The following ERC1 variants were observed in gnomAD, a reference collection of about 807,000 sequenced individuals.
The protein encoded by ERC1 is ELKS/RAB6-interacting/CAST family member 1, also known as RAB6 interacting protein 2.
Under a neutral mutation model 132.0 loss-of-function variants are expected in ERC1, and 56 were observed. The ratio of observed to expected loss-of-function variants is 0.42; its 90% confidence interval spans 0.34 to 0.53. The LOEUF (loss-of-function observed/expected upper bound fraction) is 0.53, where lower values mean the gene tolerates loss of function less well. Ranked by LOEUF, ERC1 falls within the 20% of genes least tolerant of loss-of-function variation. The pLI is 0.03. For missense variants in ERC1, 1,202 were observed against 1,349.9 expected, an observed-to-expected ratio of 0.89 and a Z score of 1.72; for synonymous variants, 478 against 476.1, an observed-to-expected ratio of 1.00 and a Z score of -0.05.
chr12:1,134,351 T>G (rs1258613357), intron 7 of ERC1, among the ~76,000 whole-genome samples: 5 of 151,954 alleles, frequency 3.3e-5, no homozygotes, highest in Non-Finnish European at 5.9e-5. Flanking sequence ...TCTAATTTTT[T>G]TTTTTTTTTT....
chr12:1,357,574 T>G (rs1207007094), intron 15 of ERC1, among the ~76,000 whole-genome samples: 1 of 152,142 alleles, frequency 6.6e-6, no homozygotes, highest in Non-Finnish European at 1.5e-5. Context: ...GAAGACAAGA[T>G]AAATGGTGTA....
chr12:1,282,744 C>T (rs781576982), intron 14 of ERC1, among the ~76,000 whole-genome samples: 148 of 152,134 alleles, frequency 9.7e-4, no homozygotes, highest in Non-Finnish European at 1.6e-3. Context: ...AGCTTGTTAC[C>T]TTTTTTTCTT....
intron 12 of ERC1, among the ~76,000 whole-genome samples, chr12:1,193,188 A>G (rs1955899802): frequency 6.6e-6 from 1 of 152,212 alleles, no homozygotes; most frequent in East Asian, 1.9e-4. Flanking sequence ...AGAAATAAAT[A>G]AATAGGTCCT....
chr12:1,109,336 A>G (rs977132628), intron 4 of ERC1, among the ~76,000 whole-genome samples: 1 of 152,236 alleles, frequency 6.6e-6, no homozygotes, highest in African/African-American at 2.4e-5. Context: ...AGGATTGCTA[A>G]CATGATAAAT....
chr12:1,411,048 A>G (rs1192743693), intron 17 of ERC1, among the ~76,000 whole-genome samples: 1 of 152,104 alleles, frequency 6.6e-6, no homozygotes, highest in Non-Finnish European at 1.5e-5. Flanking sequence ...AATATTGAGG[A>G]GCAAAGTAAA....
rs1565544127 is a variant in ERC1, at chr12:1,489,953, TAC to T, written c.3214-137_3214-136del. ...TGAAGACGCATTTGATATTTGCTTT[TAC>T]ACTTTTCTTATGGTTAATTTTGATG... On this transcript the variant is annotated intron_variant, in intron 18 of 18. Transcript: ENST00000360905. 1.3e-5 allele frequency: 13 copies of T among 982,740 alleles called. No individual in the cohort carries two copies. In the South Asian group the frequency reaches 2.1e-4, roughly 16 times the overall value. The allele number at this position is 982,740 out of a possible 1,614,324, so 60.9% of individuals were successfully genotyped here.
intron 8 of ERC1, among the ~76,000 whole-genome samples, chr12:1,177,387 A>G (rs2154268787): frequency 6.6e-6 from 1 of 152,264 alleles, no homozygotes; most frequent in East Asian, 1.9e-4. Flanking sequence ...GTAGCATTTG[A>G]CTTAATCATT....
At chr12:1,482,773 T>C (rs537985453) in intron 18 of ERC1, among the ~76,000 whole-genome samples, 1 of 152,302 alleles carries the variant, frequency 6.6e-6, no homozygotes, top group East Asian at 1.9e-4. Context: ...TACTGAGATA[T>C]AATTTACATA....
At chr12:1,274,012 C>A (rs913006490) in intron 14 of ERC1, among the ~76,000 whole-genome samples, 5 of 152,168 alleles carry the variant, frequency 3.3e-5, no homozygotes, top group Admixed American at 3.3e-4. Flanking sequence ...AGATCACTTT[C>A]AAGGGATATT....
At chr12:1,466,022 A>T (rs2093735623) in intron 18 of ERC1, among the ~76,000 whole-genome samples, 1 of 152,134 alleles carries the variant, frequency 6.6e-6, no homozygotes, top group Non-Finnish European at 1.5e-5. Context: ...GGCGCCTTCC[A>T]GTGTATAAAC....
chr12:1,449,990 ATATAG>A (rs1259210772), intron 18 of ERC1, among the ~76,000 whole-genome samples: 1 of 152,108 alleles, frequency 6.6e-6, no homozygotes. Flanking sequence ...AATTTTGAAA[ATATAG>A]TATACCACTT....
chr12:1,287,767 C>T (rs973844370), intron 14 of ERC1, among the ~76,000 whole-genome samples: 1 of 152,202 alleles, frequency 6.6e-6, no homozygotes, highest in Non-Finnish European at 1.5e-5. Context: ...ACTGGCTTTC[C>T]TGGGTCTCCA....
At chr12:1,151,299 T>C (rs1335607169) in intron 8 of ERC1, among the ~76,000 whole-genome samples, 1 of 152,234 alleles carries the variant, frequency 6.6e-6, no homozygotes. Flanking sequence ...TAAGGTTGTA[T>C]GAATTTATTG....
intron 15 of ERC1, among the ~76,000 whole-genome samples, chr12:1,357,766 CTT>C (rs2154369332): frequency 6.6e-6 from 1 of 152,272 alleles, no homozygotes; most frequent in Admixed American, 6.5e-5. Context: ...CAATATAAAT[CTT>C]TTTATCAGAC....
intron 8 of ERC1, among the ~76,000 whole-genome samples, chr12:1,150,772 T>C (rs932560783): frequency 5.9e-5 from 9 of 152,154 alleles, no homozygotes; most frequent in Non-Finnish European, 1.0e-4. Flanking sequence ...ACTAGTAGTA[T>C]TCAAAACTGC....
intron 2 of ERC1, among the ~76,000 whole-genome samples, chr12:1,057,162 A>G (rs542520336): frequency 6.6e-6 from 1 of 152,086 alleles, no homozygotes; most frequent in East Asian, 1.9e-4. Context: ...TTTTTTTGAG[A>G]CAGTCTCTCA....
At chr12:1,426,166 C>T (rs1265474396) in intron 17 of ERC1, among the ~76,000 whole-genome samples, 2 of 147,754 alleles carry the variant, frequency 1.4e-5, no homozygotes, top group Non-Finnish European at 3.0e-5. Context: ...TGCAATGGTG[C>T]GATCTCTGCT....
At chr12:1,435,344 G>T (rs1242616084) in intron 17 of ERC1, among the ~76,000 whole-genome samples, 1 of 152,110 alleles carries the variant, frequency 6.6e-6, no homozygotes, top group Admixed American at 6.5e-5. Flanking sequence ...GGAGAAGAAA[G>T]GAAGAGAATA....
chr12:1,399,828 T>C (rs2090866593), intron 16 of ERC1, among the ~76,000 whole-genome samples: 1 of 152,238 alleles, frequency 6.6e-6, no homozygotes, highest in South Asian at 2.1e-4. Context: ...TTGACTATAA[T>C]AAATAATGAT....
Sources: allele counts gnomAD v4.1 joint callset (sites outside exome capture counted in the v4.1 genomes callset), GRCh38; gene constraint gnomAD v4.1.1; transcripts MANE v1.5; gene names NCBI Gene and HGNC (gene_info 2026-07-23, HGNC 2026-07-21).